NRDE2: variants seen among roughly 807,000 people sequenced by gnomAD.
NRDE2 encodes nuclear exosome regulator NRDE2.
In NRDE2, 76 loss-of-function variants were observed where a neutral mutation model predicts 124.2. The ratio of observed to expected loss-of-function variants is 0.61; its 90% CI spans 0.51 to 0.74. NRDE2 has a LOEUF of 0.74. Among genes scored for constraint, NRDE2 ranks in the 30% least tolerant of loss-of-function variants. NRDE2 has a pLI of 0.00. For missense variants in NRDE2, 1,314 were observed against 1,417.3 expected (o/e 0.93, Z 1.17); for synonymous variants, 489 against 528.1 (o/e 0.93, Z 1.01).
chr14:90,331,684 C>CG (rs1210820730), intron 1 of NRDE2, among the ~76,000 whole-genome samples, 157 bp downstream of exon 1: 1 of 152,188 alleles, frequency 6.6e-6, no homozygotes, highest in Non-Finnish European at 1.5e-5. Flanking sequence ...CCCCAGACCT[C>CG]GGAGGGATTG....
At chr14:90,288,044 G>A (rs374281493) in intron 11 of NRDE2, among the ~76,000 whole-genome samples, 173 bp downstream of exon 11, 1 of 152,224 alleles carries the variant, frequency 6.6e-6, no homozygotes, top group African/African-American at 2.4e-5. Flanking sequence ...GCTACTTTGT[G>A]TCTCGCTTGC....
intron 11 of NRDE2, 137 bp from the exon 12 acceptor site, chr14:90,286,629 T>C: frequency 1.8e-6 from 2 of 1,117,964 alleles, no homozygotes; most frequent in Non-Finnish European, 2.5e-6. Flanking sequence ...CCCTCAGGCG[T>C]AGAGCGCTGT....
intron 9 of NRDE2, among the ~76,000 whole-genome samples, chr14:90,290,909 A>G (rs1892256419): frequency 6.6e-6 from 1 of 152,214 alleles, no homozygotes; most frequent in Admixed American, 6.5e-5. Context: ...ATCCTGATGG[A>G]TTTGTAGAAA....
In NRDE2 at chr14:90,302,783, C is replaced by T; in HGVS notation, c.1348G>A (p.Ala450Thr). The change falls in exon 6 of 14, where the codon GCT becomes ACT. Residue 450 changes from alanine to threonine, a missense_variant. Physicochemically the swap from Ala to Thr is moderately conservative, Grantham distance 58. Coordinates refer to ENST00000354366, the MANE Select transcript of NRDE2 (RefSeq NM_017970.4). ...LYGKCLSTLS[A>T]VKDGSILSHP... ...GATAAGATGCTGCCGTCCTTAACAG[C>T]AGACAAAGTGCTCAAGCATTTTCCA... The T allele has an allele frequency of 6.2e-7, 1 of 1,614,080 alleles. No homozygotes were observed. Among genetic ancestry groups the T allele is most frequent in the Admixed American group, 1.7e-5 (1 of 60,022 alleles).
rs1271290412 is a variant in NRDE2 at position 90,289,119 on chromosome 14, G to C, written c.2256C>G (p.Asn752Lys). Residue 752 changes from asparagine to lysine, a missense_variant, in exon 11 of 14, where the codon AAC (asparagine) becomes AAG (lysine). Physicochemically the swap from Asn to Lys is moderately conservative, Grantham distance 94 (BLOSUM62 0). Coordinates refer to ENST00000354366, the MANE Select transcript of NRDE2 (RefSeq NM_017970.4). The stretch of plus-strand genomic sequence containing the variant: ...TCCCTTGAGACTTTAATCTCTTCTT[G>C]TTTTTAGTGTGCAGGCACCAAATGA... ...AKVIWCLHTK[N>K]KKRLKSQGKN... 1.9e-6 allele frequency: 3 copies of C among 1,607,386 alleles called. No individual in the cohort carries two copies. The African/African-American group carries it at 4.0e-5, about 22-fold the overall frequency.
At position 90,304,019 on chromosome 14, in the gene NRDE2, G is replaced by C. The variant is rs373986038; in HGVS notation, c.921C>G (p.Leu307=). Residue 307 remains leucine (L), a synonymous_variant, in exon 5 of 14, where the codon CTC becomes CTG. Coordinates refer to ENST00000354366, the MANE Select transcript of NRDE2 (RefSeq NM_017970.4). Reference sequence around the variant, plus strand: ...TGTTAAACTCCTCCACCTTGGCCTTGAGAGCCGCACTCTCGCTGTCTGGCT... The same window carrying C: ...TGTTAAACTCCTCCACCTTGGCCTTCAGAGCCGCACTCTCGCTGTCTGGCT... The part of the protein sequence containing the change: ...DAQPDSESAA[L]KAKVEEFNRR... 1.2e-6 allele frequency: 2 copies of C among 1,613,918 alleles called. No homozygotes were observed. The highest frequency in any genetic ancestry group is 8.5e-7 in the Non-Finnish European group (1 of 1,179,934).
At chr14:90,319,741 T>C (rs1216107050) in intron 1 of NRDE2, among the ~76,000 whole-genome samples, 1 of 152,130 alleles carries the variant, frequency 6.6e-6, no homozygotes, top group African/African-American at 2.4e-5. Flanking sequence ...GATGAACACT[T>C]GGGTTATTTC....
chr14:90,290,171 T>C (rs1269257288), intron 10 of NRDE2, 50 bp downstream of exon 10: 1 of 1,579,090 alleles, frequency 6.3e-7, no homozygotes, highest in Admixed American at 1.7e-5. Flanking sequence ...TTATAAACAC[T>C]GACATGAAAT....
chr14:90,301,273 G>A lies in NRDE2; in HGVS notation c.1511C>T (p.Pro504Leu). 1.2e-6 allele frequency: 2 copies of A among 1,613,734 alleles called. No individual in the cohort carries two copies. Among genetic ancestry groups the A allele is most frequent in the Non-Finnish European group, 8.5e-7 (1 of 1,179,804 alleles). ...GGTAGGCAGATCTTTCACGCTGTCG[G>A]GTTTGAAGAAGGTGAAGTCCACCAT... ...QAMVDFTFFK[P>L]DSVKDLPTKG... Residue 504 changes from proline to leucine, a missense_variant, in exon 7 of 14, where the codon CCC becomes CTC. By Grantham distance (98) the Pro-to-Leu change is moderately conservative. Transcript: ENST00000354366.
intron 9 of NRDE2, among the ~76,000 whole-genome samples, chr14:90,291,767 G>A (rs1367743323): frequency 6.6e-5 from 10 of 152,114 alleles, no homozygotes; most frequent in Non-Finnish European, 1.3e-4. Flanking sequence ...CTCCTCAAAC[G>A]CTCCTGGCAC....
intron 12 of NRDE2, among the ~76,000 whole-genome samples, chr14:90,282,968 A>C (rs1195722292): frequency 6.6e-6 from 1 of 152,248 alleles, no homozygotes; most frequent in African/African-American, 2.4e-5. Flanking sequence ...TTGCAAGAGT[A>C]TATGTATGTG....
intron 9 of NRDE2, among the ~76,000 whole-genome samples, chr14:90,291,632 C>T (rs185499695): frequency 1.3e-5 from 2 of 152,324 alleles, no homozygotes; most frequent in East Asian, 3.9e-4. Flanking sequence ...GGTAAGTACC[C>T]TCTCCAAGAC....
chr14:90,298,875 A>C (rs1884282779), intron 7 of NRDE2, among the ~76,000 whole-genome samples: 1 of 152,168 alleles, frequency 6.6e-6, no homozygotes, highest in Admixed American at 6.5e-5. Flanking sequence ...AGATATTTTG[A>C]GAGGAAGGTT....
chr14:90,306,639 C>A (rs1019086493), intron 4 of NRDE2, among the ~76,000 whole-genome samples: 3 of 151,638 alleles, frequency 2.0e-5, no homozygotes, highest in Non-Finnish European at 4.4e-5. Flanking sequence ...GGTGAAACCC[C>A]GTCTCTACTA....
rs779457317 is a variant in NRDE2, at chr14:90,304,121, C to A, written c.819G>T (p.Gly273=). Residue 273 remains glycine (G), a synonymous_variant, in exon 5 of 14, where the codon GGG becomes GGT. Transcript: ENST00000354366. ...APVTTWLNPL[G]IYDQSTTHWL... is the part of the protein sequence containing the mutation. Reference sequence around the variant, plus strand: ...AATGTGTGGTTGACTGATCATAAATCCCCAGAGGATTCAACCAGGTTGTAA... The same window carrying A: ...AATGTGTGGTTGACTGATCATAAATACCCAGAGGATTCAACCAGGTTGTAA... 1.2e-6 allele frequency: 2 copies of A among 1,614,156 alleles called. No homozygotes were observed. Among genetic ancestry groups the A allele is most frequent in the South Asian group, 2.2e-5 (2 of 91,076 alleles).
chr14:90,297,731 T>C (rs916028773), intron 8 of NRDE2, among the ~76,000 whole-genome samples: 39 of 151,976 alleles, frequency 2.6e-4, no homozygotes, highest in Non-Finnish European at 5.6e-4. Context: ...GTCAGGTGTT[T>C]GAGACCAGAG....
At chr14:90,297,355 A>G (rs1412539100) in intron 8 of NRDE2, among the ~76,000 whole-genome samples, 1 of 152,130 alleles carries the variant, frequency 6.6e-6, no homozygotes, top group Admixed American at 6.5e-5. Flanking sequence ...GATATACTAG[A>G]TTAAGTAAAA....
At chr14:90,331,795 C>T (rs943979793) in intron 1 of NRDE2, 46 bp downstream of exon 1, 16 of 1,599,734 alleles carry the variant, frequency 1.0e-5, no homozygotes, top group Non-Finnish European at 1.3e-5. Context: ...GAGAAACAGC[C>T]TCTTAAGCCC....
In NRDE2 at chr14:90,278,257, A is replaced by G. The variant is rs1057478946; in HGVS notation, c.*79T>C. On this transcript the variant is annotated 3_prime_UTR_variant, in exon 14 of 14. Transcript: ENST00000354366. ...CAAAAGCCGAGTTCTCCTAACACAC[A>G]CGTTCTCTGCTCGCGCCTCCTAGCT... 108 of 1,562,574 alleles carry G rather than the reference A, an allele frequency of 6.9e-5. No individual in the cohort carries two copies. The highest frequency in any genetic ancestry group is 9.4e-5 in the Non-Finnish European group (107 of 1,137,418).
Sources: allele counts gnomAD v4.1 joint callset (sites outside exome capture counted in the v4.1 genomes callset), GRCh38; gene constraint gnomAD v4.1.1; transcripts MANE v1.5; gene names NCBI Gene and HGNC (gene_info 2026-07-23, HGNC 2026-07-21).